Variants in MSRB3 observed in about 807,000 individuals in gnomAD.
The protein encoded by MSRB3 is methionine-R-sulfoxide reductase B3.
MSRB3 carries 13 observed loss-of-function variants against 21.0 expected under a neutral mutation model. The observed-to-expected ratio is 0.62, with a 90% CI of 0.40 to 0.98. The LOEUF is 0.98. MSRB3 is among the 50% of genes least tolerant of loss of function. The pLI is 0.00. For synonymous variants in MSRB3, 87 were observed against 88.6 expected, an observed-to-expected ratio of 0.98 and a Z score of 0.10; for missense variants, 199 against 230.3, an observed-to-expected ratio of 0.86 and a Z score of 0.88.
intron 5 of MSRB3, among the ~76,000 whole-genome samples, chr12:65,416,775 T>C (rs1881001595): frequency 1.3e-5 from 2 of 152,222 alleles, no homozygotes; most frequent in Admixed American, 6.5e-5. Flanking sequence ...TTGACCTAAC[T>C]GTTGTTACTT....
At chr12:65,360,337 G>T (rs979775883) in intron 4 of MSRB3, among the ~76,000 whole-genome samples, 1 of 151,798 alleles carries the variant, frequency 6.6e-6, no homozygotes, top group Non-Finnish European at 1.5e-5. Context: ...TAGATAAAAG[G>T]CCTTGACTTT....
Position 65,400,631 on chromosome 12 carries a change from G to A in MSRB3, c.292+31605G>A, listed in dbSNP as rs528957536. Among the ~76,000 whole-genome samples the A allele has an allele frequency of 2.8e-4, 42 of 152,176 alleles. No homozygotes were observed. In the Middle Eastern group the frequency reaches 0.01, roughly 37 times the overall value. On this transcript the variant is annotated intron_variant, in intron 5 of 6. Coordinates refer to ENST00000308259, the MANE Select transcript of MSRB3 (RefSeq NM_001031679.3). ...CTCCTTCAGTTCTGCTCGGATCTTA[G>A]TTATTTCTTGTCTTCTGCTAGCTTT...
At chr12:65,350,767 C>T (rs1477287966) in intron 4 of MSRB3, among the ~76,000 whole-genome samples, 6 of 136,666 alleles carry the variant, frequency 4.4e-5, no homozygotes, top group Non-Finnish European at 9.3e-5. Context: ...GCTAACTATC[C>T]TAAATATATA....
intron 4 of MSRB3, among the ~76,000 whole-genome samples, chr12:65,366,843 C>G (rs921484015): frequency 3.3e-5 from 5 of 152,122 alleles, no homozygotes; most frequent in Admixed American, 1.3e-4. Context: ...AGGAGAAGTC[C>G]TGGGAGTCTG....
At chr12:65,372,514 T>C (rs891200959) in intron 5 of MSRB3, among the ~76,000 whole-genome samples, 1 of 152,248 alleles carries the variant, frequency 6.6e-6, no homozygotes, top group Non-Finnish European at 1.5e-5. Context: ...CTTTTCCTAG[T>C]TGATGTACTA....
chr12:65,296,300 C>CGCAT lies in MSRB3; in HGVS notation c.-51-12217_-51-12214dup, dbSNP rs138909571. On this transcript the variant is annotated intron_variant, in intron 1 of 6. Coordinates refer to ENST00000308259, the MANE Select transcript of MSRB3 (RefSeq NM_001031679.3). ...TTAATTAAACCCTCCAACACTCACA[C>CGCAT]GCATGCATGCATGCACCACAGCCAC... Among the ~76,000 whole-genome samples, 1,449 of 152,294 alleles carry CGCAT rather than the reference C, an allele frequency of 9.5e-3. 11 individuals are homozygous for CGCAT. Among genetic ancestry groups the CGCAT allele is most frequent in the Non-Finnish European group, 0.015 (1,007 of 68,018 alleles).
chr12:65,303,298 A>C (rs187298890), intron 1 of MSRB3, among the ~76,000 whole-genome samples: 6 of 152,302 alleles, frequency 3.9e-5, no homozygotes, highest in Non-Finnish European at 1.5e-5. Context: ...TACGGGGAAA[A>C]AAGTAAAAGG....
intron 1 of MSRB3, among the ~76,000 whole-genome samples, chr12:65,279,924 A>G (rs1215564240): frequency 2.0e-5 from 3 of 152,090 alleles, no homozygotes; most frequent in Non-Finnish European, 4.4e-5. Context: ...TTCTTAGGAG[A>G]TTTTAGTTTG....
At position 65,349,407 on chromosome 12, in the gene MSRB3, C is replaced by A. The variant is rs1426577219; in HGVS notation, c.264-19591C>A. 9.2e-5 allele frequency among the ~76,000 whole-genome samples: 14 copies of A among 151,972 alleles called. No homozygotes were observed. In the East Asian group the frequency reaches 1.9e-3, roughly 21 times the overall value. Reference sequence around the variant, plus strand: ...TCTTTATAGCAGCAAGATTTATAGTCCTTTGGGTATATACCCAGTAATGGG... The same window carrying A: ...TCTTTATAGCAGCAAGATTTATAGTACTTTGGGTATATACCCAGTAATGGG... On this transcript the variant is annotated intron_variant, in intron 4 of 6. Transcript: ENST00000308259.
At chr12:65,397,600 A>G (rs1437477583) in intron 5 of MSRB3, among the ~76,000 whole-genome samples, 2 of 151,500 alleles carry the variant, frequency 1.3e-5, no homozygotes, top group African/African-American at 4.9e-5. Flanking sequence ...ATACTTCTTT[A>G]CTTCTTTTTC....
chr12:65,351,857 G>T (rs1247998002), intron 4 of MSRB3, among the ~76,000 whole-genome samples: 2 of 152,082 alleles, frequency 1.3e-5, no homozygotes, highest in Non-Finnish European at 2.9e-5. Context: ...GGACCACATG[G>T]ATTCACAGCC....
chr12:65,319,146 A>G (rs1874501338), intron 2 of MSRB3, among the ~76,000 whole-genome samples: 2 of 152,134 alleles, frequency 1.3e-5, no homozygotes, highest in Non-Finnish European at 2.9e-5. Flanking sequence ...CAGTAAGAAA[A>G]TGTTTGCACA....
intron 5 of MSRB3, among the ~76,000 whole-genome samples, chr12:65,413,077 C>T (rs1442801765): frequency 6.6e-6 from 1 of 152,150 alleles, no homozygotes; most frequent in Non-Finnish European, 1.5e-5. Context: ...AGACACAGAG[C>T]CAAACCATAT....
At chr12:65,341,706 T>G (rs991196465) in intron 4 of MSRB3, among the ~76,000 whole-genome samples, 1 of 151,528 alleles carries the variant, frequency 6.6e-6, no homozygotes, top group African/African-American at 2.4e-5. Context: ...AAATTAAAAA[T>G]AAAAAAGAAA....
chr12:65,389,576 T>C (rs141342644), intron 5 of MSRB3, among the ~76,000 whole-genome samples: 1 of 152,318 alleles, frequency 6.6e-6, no homozygotes, highest in Non-Finnish European at 1.5e-5. Context: ...TCAGTGACCA[T>C]GTGGACCGTC....
At chr12:65,323,264 T>A (rs1874802276) in intron 2 of MSRB3, among the ~76,000 whole-genome samples, 1 of 152,202 alleles carries the variant, frequency 6.6e-6, no homozygotes, top group Admixed American at 6.5e-5. Flanking sequence ...AGCTTCATAC[T>A]GGGGCTTCGA....
rs548046894 is a variant in MSRB3 at position 65,392,255 on chromosome 12, G to C, written c.292+23229G>C. Among the ~76,000 whole-genome samples, 26 of 152,230 alleles carry C rather than the reference G, an allele frequency of 1.7e-4. No homozygotes were observed. The South Asian group carries it at 4.8e-3, about 28-fold the overall frequency. On this transcript the variant is annotated intron_variant, in intron 5 of 6. Transcript: ENST00000308259. ...TATTCTAATGCACATGTAGAAGGAG[G>C]GGTGAACTGCTGGTCAGCCTTAGAA...
intron 5 of MSRB3, among the ~76,000 whole-genome samples, chr12:65,370,248 C>T (rs923231261): frequency 5.3e-5 from 8 of 151,962 alleles, no homozygotes; most frequent in African/African-American, 1.9e-4. Flanking sequence ...TCACAAATGG[C>T]TCAAAATAAG....
chr12:65,459,487 G>A (rs1883227523), intron 6 of MSRB3, among the ~76,000 whole-genome samples: 1 of 151,994 alleles, frequency 6.6e-6, no homozygotes, highest in African/African-American at 2.4e-5. Flanking sequence ...CATTTCCTTG[G>A]CAAAAGATTA....
Sources: gnomAD v4.1 joint callset for allele counts (sites outside exome capture counted in the v4.1 genomes callset) on GRCh38, gnomAD v4.1.1 for gene constraint, MANE v1.5 for transcripts, NCBI Gene and HGNC (gene_info 2026-07-23, HGNC 2026-07-21) for gene names.